Variants in UXS1 observed in about 807,000 individuals in gnomAD.
UXS1 encodes UDP-glucuronic acid decarboxylase 1.
Under a neutral mutation model 62.6 loss-of-function variants are expected in UXS1, and 33 were observed. That is an observed-to-expected ratio of 0.53 (90% confidence interval 0.40 to 0.70). The LOEUF (loss-of-function observed/expected upper bound fraction) is 0.70, where lower values mean the gene tolerates loss of function less well. Ranked by LOEUF, UXS1 falls within the 30% of genes least tolerant of loss-of-function variation. The probability of loss-of-function intolerance (pLI) is 0.00; values close to 1 mark genes in which losing one functional copy is unlikely to be tolerated. For missense variants in UXS1, 434 were observed against 556.3 expected (o/e 0.78, Z 2.21); for synonymous variants, 213 against 206.8 (o/e 1.03, Z -0.26).
intron 10 of UXS1, 102 bp downstream of exon 10, chr2:106,112,544 G>A: frequency 6.6e-7 from 1 of 1,506,494 alleles, no homozygotes; most frequent in Non-Finnish European, 8.9e-7. Flanking sequence ...GGCAGCTTCA[G>A]AAGTGTCACT....
chr2:106,128,058 A>C (rs1489017160), intron 7 of UXS1, among the ~76,000 whole-genome samples: 1 of 152,184 alleles, frequency 6.6e-6, no homozygotes, highest in Non-Finnish European at 1.5e-5. Context: ...CCACGGGCAC[A>C]GTGACTGCAT....
At chr2:106,097,941 G>A (rs773266885) in intron 13 of UXS1, among the ~76,000 whole-genome samples, 25 of 152,254 alleles carry the variant, frequency 1.6e-4, no homozygotes, top group African/African-American at 4.8e-4. Context: ...CATCCGGGTC[G>A]ATTAGACCAA....
At chr2:106,168,911 CA>C (rs1178176865) in intron 1 of UXS1, among the ~76,000 whole-genome samples, 28 of 152,216 alleles carry the variant, frequency 1.8e-4, no homozygotes, top group African/African-American at 6.5e-4. Flanking sequence ...GTGAAATTTC[CA>C]AAATACTGAG....
At chr2:106,173,275 C>G (rs1214905963) in intron 1 of UXS1, among the ~76,000 whole-genome samples, 1 of 152,192 alleles carries the variant, frequency 6.6e-6, no homozygotes, top group East Asian at 1.9e-4. Flanking sequence ...AGTCAGAAAA[C>G]TGTAGGCTGG....
chr2:106,144,600 C>T (rs561698288), intron 6 of UXS1, among the ~76,000 whole-genome samples: 1 of 152,212 alleles, frequency 6.6e-6, no homozygotes, highest in South Asian at 2.1e-4. Flanking sequence ...TAAATTCTAA[C>T]CATATTTAGT....
At chr2:106,120,033 C>T (rs1463447313) in intron 9 of UXS1, among the ~76,000 whole-genome samples, 2 of 152,088 alleles carry the variant, frequency 1.3e-5, no homozygotes, top group Admixed American at 6.5e-5. Context: ...TGCTCCTTTG[C>T]GCAGAGAGGA....
intron 9 of UXS1, among the ~76,000 whole-genome samples, chr2:106,116,434 G>A (rs1320318540): frequency 6.6e-6 from 1 of 152,132 alleles, no homozygotes; most frequent in Non-Finnish European, 1.5e-5. Context: ...CATCTTGACA[G>A]ACTCCATCTT....
intron 1 of UXS1, among the ~76,000 whole-genome samples, chr2:106,178,488 ATATAAG>A (rs1214177372): frequency 4.0e-5 from 6 of 150,718 alleles, no homozygotes; most frequent in Non-Finnish European, 5.9e-5. Flanking sequence ...GTGTATATAT[ATATAAG>A]TATGTGTATG....
intron 1 of UXS1, among the ~76,000 whole-genome samples, chr2:106,190,350 C>T (rs566923416): frequency 3.3e-5 from 5 of 152,082 alleles, no homozygotes; most frequent in Non-Finnish European, 7.4e-5. Flanking sequence ...AATCATCTCC[C>T]AAAGAACAAA....
intron 1 of UXS1, 101 bp downstream of exon 1, chr2:106,194,047 G>C (rs1235984031): frequency 2.3e-6 from 2 of 877,466 alleles, no homozygotes; most frequent in East Asian, 3.7e-5. Flanking sequence ...AGCAACGCGG[G>C]GCTGCAGGGC....
At chr2:106,113,807 T>C (rs891611550) in intron 9 of UXS1, among the ~76,000 whole-genome samples, 1 of 152,224 alleles carries the variant, frequency 6.6e-6, no homozygotes, top group African/African-American at 2.4e-5. Flanking sequence ...CACCGCTCAC[T>C]GCCCAGGCCT....
At chr2:106,134,528 G>A (rs1325533760) in intron 6 of UXS1, among the ~76,000 whole-genome samples, 8 of 24,100 alleles carry the variant, frequency 3.3e-4, no homozygotes, top group Non-Finnish European at 5.6e-4. Flanking sequence ...CTGGCAAACC[G>A]AATCCAGCAG....
intron 5 of UXS1, among the ~76,000 whole-genome samples, chr2:106,154,861 T>C (rs886583986): frequency 2.0e-5 from 3 of 152,192 alleles, no homozygotes; most frequent in African/African-American, 7.2e-5. Context: ...CATAAAGGAA[T>C]ACCTGAAGCT....
chr2:106,116,318 AAC>A (rs957224650), intron 9 of UXS1, among the ~76,000 whole-genome samples: 1 of 152,194 alleles, frequency 6.6e-6, no homozygotes, highest in African/African-American at 2.4e-5. Flanking sequence ...TTGCATAATC[AAC>A]AGAGACAACA....
At chr2:106,126,751 T>C (rs1173586028) in intron 7 of UXS1, among the ~76,000 whole-genome samples, 1 of 152,166 alleles carries the variant, frequency 6.6e-6, no homozygotes, top group African/African-American at 2.4e-5. Context: ...CCCCCAATGC[T>C]AAAATTTGCA....
intron 8 of UXS1, among the ~76,000 whole-genome samples, chr2:106,123,943 T>C (rs1679726495): frequency 6.6e-6 from 1 of 152,226 alleles, no homozygotes; most frequent in South Asian, 2.1e-4. Flanking sequence ...TCAGTGGGCC[T>C]GAGCAGGTGC....
At chr2:106,107,973 G>C (rs1404148150) in intron 10 of UXS1, among the ~76,000 whole-genome samples, 3 of 152,244 alleles carry the variant, frequency 2.0e-5, no homozygotes, top group African/African-American at 7.2e-5. Flanking sequence ...CTGGGCTGCA[G>C]TGGAAAGGCG....
intron 1 of UXS1, among the ~76,000 whole-genome samples, chr2:106,166,881 G>A (rs1558744762): frequency 6.6e-6 from 1 of 152,158 alleles, no homozygotes; most frequent in Non-Finnish European, 1.5e-5. Context: ...GGAAGAGCTA[G>A]TCACAAAAAT....
intron 11 of UXS1, among the ~76,000 whole-genome samples, chr2:106,104,314 A>C (rs955023377): frequency 5.9e-5 from 9 of 152,236 alleles, no homozygotes; most frequent in Admixed American, 5.2e-4. Context: ...TCACCACGTG[A>C]ATCTATTCAA....
Sources: allele counts gnomAD v4.1 joint callset (sites outside exome capture counted in the v4.1 genomes callset), GRCh38; gene constraint gnomAD v4.1.1; transcripts MANE v1.5; gene names NCBI Gene and HGNC (gene_info 2026-07-23, HGNC 2026-07-21).